The following TADA2A variants were observed in gnomAD, a reference collection of about 807,000 sequenced individuals.
TADA2A encodes transcriptional adaptor 2A.
In TADA2A, 38 loss-of-function variants were observed where a neutral mutation model predicts 67.4. The ratio of observed to expected loss-of-function variants is 0.56; its 90% CI spans 0.44 to 0.74. The LOEUF is 0.74. TADA2A is among the 30% of genes least tolerant of loss of function. The pLI, the probability that TADA2A is intolerant of heterozygous loss-of-function variation, is 0.00. For missense variants in TADA2A, 454 were observed against 547.0 expected (o/e 0.83, Z 1.70); for synonymous variants, 192 against 181.6 (o/e 1.06, Z -0.46).
intron 6 of TADA2A, among the ~76,000 whole-genome samples, chr17:37,442,198 C>CTTTTTTTTTTTTTTT (rs760306260): frequency 9.3e-5 from 7 of 75,386 alleles, no homozygotes; most frequent in East Asian, 3.8e-4. Context: ...TTTTTCCCGT[C>CTTTTTTTTTTTTTTT]TTTTTTTTTT....
chr17:37,465,737 C>G (rs759554755), intron 11 of TADA2A, 196 bp downstream of exon 11: 38 of 801,002 alleles, frequency 4.7e-5, no homozygotes, highest in Admixed American at 9.1e-5. Context: ...AATGACTTCC[C>G]CCATTGCCCC....
intron 4 of TADA2A, among the ~76,000 whole-genome samples, chr17:37,428,505 A>T (rs932067652): frequency 2.0e-5 from 3 of 152,186 alleles, no homozygotes; most frequent in African/African-American, 7.2e-5. Flanking sequence ...GAGGTTGTTG[A>T]TGAAATCCAG....
chr17:37,461,321 A>G (rs901529033), intron 9 of TADA2A, among the ~76,000 whole-genome samples: 1 of 152,204 alleles, frequency 6.6e-6, no homozygotes, highest in Non-Finnish European at 1.5e-5. Flanking sequence ...TAACTGGTCC[A>G]TGGCCCAGGG....
At chr17:37,434,025 A>T (rs563087990) in intron 4 of TADA2A, among the ~76,000 whole-genome samples, 4 of 152,172 alleles carry the variant, frequency 2.6e-5, no homozygotes, top group East Asian at 3.9e-4. Flanking sequence ...TTTTATTCAG[A>T]TTTCTCCAGA....
intron 9 of TADA2A, among the ~76,000 whole-genome samples, 154 bp downstream of exon 9, chr17:37,458,741 A>G (rs946978277): frequency 1.3e-5 from 2 of 151,936 alleles, no homozygotes; most frequent in South Asian, 2.1e-4. Context: ...CAGCAGCACA[A>G]TAATGGCTCA....
At position 37,468,655 on chromosome 17, in the gene TADA2A, C is replaced by T. The variant is rs183172343; in HGVS notation, c.895+1130C>T. Among the ~76,000 whole-genome samples the T allele has an allele frequency of 1.0e-3, 154 of 152,110 alleles. 2 individuals carry two copies. Among genetic ancestry groups the T allele is most frequent in the Non-Finnish European group, 8.8e-5 (6 of 68,002 alleles). On this transcript the variant is annotated intron_variant, in intron 12 of 15. Transcript: ENST00000615182. ...GTGCTGGGATTACAGGTGTGAGCAA[C>T]TGTGCCTGGCCTCTATTCAAGTTTT...
intron 7 of TADA2A, 128 bp downstream of exon 7, chr17:37,442,780 C>A: frequency 1.3e-6 from 1 of 745,202 alleles, no homozygotes; most frequent in Non-Finnish European, 2.1e-6. Context: ...TTTGTAGGAC[C>A]TTTAGGCAGC....
chr17:37,412,683 T>C (rs1421940985), intron 2 of TADA2A, among the ~76,000 whole-genome samples: 2 of 151,460 alleles, frequency 1.3e-5, no homozygotes, highest in African/African-American at 4.9e-5. Context: ...ACACGGGAGC[T>C]GAGGCAGGAG....
At chr17:37,426,738 G>T in intron 3 of TADA2A, 2 of 400,658 alleles carry the variant, frequency 5.0e-6, no homozygotes, top group Non-Finnish European at 8.8e-6. Flanking sequence ...TTAGCACTTT[G>T]GGAGACTGAG....
chr17:37,434,812 C>G (rs7226252), intron 4 of TADA2A, among the ~76,000 whole-genome samples: 36,214 of 65,954 alleles, frequency 0.55, 4,690 homozygotes, highest in East Asian at 0.68. Context: ...CCCTAGCATC[C>G]TCTACATATT....
intron 14 of TADA2A, among the ~76,000 whole-genome samples, chr17:37,472,830 C>G (rs189049198): frequency 1.3e-5 from 2 of 152,072 alleles, no homozygotes; most frequent in East Asian, 1.9e-4. Flanking sequence ...CCATTGCACT[C>G]CAGCCTGGGT....
chr17:37,432,876 AT>A (rs894383369), intron 4 of TADA2A, among the ~76,000 whole-genome samples: 7 of 131,182 alleles, frequency 5.3e-5, no homozygotes, highest in Non-Finnish European at 9.7e-5. Context: ...TGTCAGTTTC[AT>A]TCATTTTAGC....
chr17:37,454,769 CAT>C (rs1207365298), intron 8 of TADA2A: 1 of 292,922 alleles, frequency 3.4e-6, no homozygotes, highest in Non-Finnish European at 7.2e-6. Flanking sequence ...GAATGAGAAA[CAT>C]GAAGTTAAAA....
intron 12 of TADA2A, among the ~76,000 whole-genome samples, chr17:37,468,015 G>A (rs181679367): frequency 6.6e-6 from 1 of 151,886 alleles, no homozygotes; most frequent in Non-Finnish European, 1.5e-5. Flanking sequence ...CTGAGAAGCA[G>A]TTGTTGTAGT....
At chr17:37,407,721 T>C (rs2051648226) in intron 1 of TADA2A, among the ~76,000 whole-genome samples, 1 of 151,970 alleles carries the variant, frequency 6.6e-6, no homozygotes, top group Non-Finnish European at 1.5e-5. Flanking sequence ...CAAGCGATTC[T>C]CGTGCCTGAG....
At chr17:37,456,645 A>G (rs1343122805) in intron 8 of TADA2A, among the ~76,000 whole-genome samples, 4 of 152,196 alleles carry the variant, frequency 2.6e-5, no homozygotes, top group African/African-American at 9.7e-5. Flanking sequence ...GAGGATAGGA[A>G]AGGGGTAGAA....
In TADA2A at chr17:37,474,613, A is replaced by G. The variant is rs746471520; in HGVS notation, c.1130A>G (p.Asn377Ser). The change falls in exon 15 of 16, where the codon AAT (asparagine) becomes AGT (serine). Residue 377 changes from asparagine to serine, a missense_variant. This residue lies in a region of TADA2A where 51 missense variants were observed against 91.5 expected (regional missense o/e 0.56). Transcript: ENST00000615182. Reference protein sequence around the residue: ...LTGLPGTEKLNEKEKELCQMV... With the variant: ...LTGLPGTEKLSEKEKELCQMV... ...GGCCTCCCTGGCACAGAGAAGCTGA[A>G]TGAAAAAGAAAAGGAGGTAACAAAA... is the stretch of plus-strand genomic sequence containing the variant. 2 of 1,612,926 alleles carry G rather than the reference A, an allele frequency of 1.2e-6. No individual in the cohort carries two copies. The highest frequency in any genetic ancestry group is 2.7e-5 in the African/African-American group (2 of 75,048).
At chr17:37,468,304 G>A (rs2053711339) in intron 12 of TADA2A, among the ~76,000 whole-genome samples, 1 of 152,084 alleles carries the variant, frequency 6.6e-6, no homozygotes, top group African/African-American at 2.4e-5. Flanking sequence ...CTTGGATCAA[G>A]TCAATGAATT....
intron 4 of TADA2A, among the ~76,000 whole-genome samples, chr17:37,428,976 G>A (rs2052490140): frequency 6.7e-6 from 1 of 150,132 alleles, no homozygotes; most frequent in South Asian, 2.1e-4. Flanking sequence ...AACCCGGGAG[G>A]CAGAGCTTGT....
Sources: allele counts gnomAD v4.1 joint callset (sites outside exome capture counted in the v4.1 genomes callset), GRCh38; gene constraint gnomAD v4.1.1; regional missense constraint gnomAD v4.1.1; transcripts MANE v1.5; gene names NCBI Gene and HGNC (gene_info 2026-07-23, HGNC 2026-07-21).